TRPM3: variants seen among roughly 807,000 people sequenced by gnomAD.
TRPM3 encodes the protein transient receptor potential cation channel subfamily M member 3, also known as long transient receptor potential channel 3.
TRPM3 carries 77 observed loss-of-function variants against 181.2 expected under a neutral mutation model. That is an observed-to-expected ratio of 0.42 (90% CI 0.35 to 0.51). TRPM3 has a LOEUF of 0.51. TRPM3 is among the 20% of genes least tolerant of loss of function. The pLI is 0.01. For synonymous variants in TRPM3, 745 were observed against 796.4 expected (o/e 0.94, Z 1.09); for missense variants, 1,759 against 2,196.7 (o/e 0.80, Z 3.98).
intron 1 of TRPM3, among the ~76,000 whole-genome samples, chr9:71,317,671 A>G (rs888590690): frequency 8.6e-5 from 7 of 81,008 alleles, no homozygotes; most frequent in Non-Finnish European, 2.2e-4. Flanking sequence ...GAAAAAATAT[A>G]TATATATACA....
chr9:71,356,142 A>C (rs970853102), intron 1 of TRPM3, among the ~76,000 whole-genome samples: 3 of 152,190 alleles, frequency 2.0e-5, no homozygotes, highest in African/African-American at 7.2e-5. Flanking sequence ...CAACGAATGG[A>C]AACAGCTACT....
chr9:70,775,546 C>T (rs2130684912), intron 7 of TRPM3: 1 of 152,238 alleles, frequency 6.6e-6, no homozygotes, highest in African/African-American at 2.4e-5. Flanking sequence ...GGTCAGGGGT[C>T]TTCAATGGAG....
chr9:71,284,628 G>A (rs893305491), intron 1 of TRPM3, among the ~76,000 whole-genome samples: 1 of 152,106 alleles, frequency 6.6e-6, no homozygotes, highest in Non-Finnish European at 1.5e-5. Flanking sequence ...ATTTATATAG[G>A]TAAGCCATAA....
chr9:71,244,530 A>AC (rs1248468797), intron 1 of TRPM3, among the ~76,000 whole-genome samples: 1 of 152,194 alleles, frequency 6.6e-6, no homozygotes, highest in Non-Finnish European at 1.5e-5. Context: ...AGGTGACTTG[A>AC]GGGATAAAGG....
Position 70,533,572 on chromosome 9 carries a change from C to A in TRPM3, c.*2381G>T, listed in dbSNP as rs1007738179. ...TCATGAACCCTTTCAAGTTATATTG[C>A]AACTTTGCATTATGTACATTTTTTT... On this transcript the variant is annotated 3_prime_UTR_variant, in exon 26 of 26. Transcript: ENST00000677713. 1 of 152,038 alleles carries A rather than the reference C, an allele frequency of 6.6e-6. No individual in the cohort carries two copies. The highest frequency in any genetic ancestry group is 1.5e-5 in the Non-Finnish European group (1 of 68,014). 9.4% of individuals were successfully genotyped at this position (152,038 alleles called of 1,614,324 possible).
intron 1 of TRPM3, among the ~76,000 whole-genome samples, chr9:71,285,708 G>GCAC (rs1251005202): frequency 6.6e-6 from 1 of 152,172 alleles, no homozygotes; most frequent in Non-Finnish European, 1.5e-5. Context: ...CTGAGAAGAA[G>GCAC]CACCACCACC....
intron 3 of TRPM3, 105 bp from the exon 4 acceptor site, chr9:70,846,696 T>A (rs998553580): frequency 2.1e-5 from 18 of 861,968 alleles, no homozygotes; most frequent in Non-Finnish European, 3.0e-5. Context: ...CAAAAACGTC[T>A]CATATAAAAT....
intron 1 of TRPM3, among the ~76,000 whole-genome samples, chr9:71,119,093 G>A (rs1395516571): frequency 6.6e-6 from 1 of 152,128 alleles, no homozygotes; most frequent in Admixed American, 6.6e-5. Flanking sequence ...TACCAAAGCA[G>A]CTTTGCTTTC....
At chr9:70,629,348 C>CTT (rs1405325943) in intron 12 of TRPM3, among the ~76,000 whole-genome samples, 2 of 149,530 alleles carry the variant, frequency 1.3e-5, no homozygotes, top group African/African-American at 4.9e-5. Context: ...TTGTTTTTTT[C>CTT]TTTTGAGACG....
At chr9:70,865,528 T>A (rs1208190333) in intron 1 of TRPM3, 6 of 152,084 alleles carry the variant, frequency 3.9e-5, no homozygotes, top group African/African-American at 1.4e-4. Flanking sequence ...AAAGCACAAC[T>A]GAGCTGTTGA....
At chr9:71,056,083 T>C (rs2060623744) in intron 1 of TRPM3, among the ~76,000 whole-genome samples, 1 of 151,982 alleles carries the variant, frequency 6.6e-6, no homozygotes, top group Non-Finnish European at 1.5e-5. Context: ...CTAGAGCAAA[T>C]TTTTCCAAGG....
chr9:70,682,755 A>T (rs1396883402), intron 8 of TRPM3, among the ~76,000 whole-genome samples: 1 of 152,238 alleles, frequency 6.6e-6, no homozygotes, highest in Non-Finnish European at 1.5e-5. Context: ...GGCTATAGAA[A>T]AAAAGCCAAA....
At chr9:71,381,688 G>GTATTAAATATTCTTTCCA (rs1277406892) in intron 1 of TRPM3, among the ~76,000 whole-genome samples, 1 of 152,094 alleles carries the variant, frequency 6.6e-6, no homozygotes, top group Non-Finnish European at 1.5e-5. Context: ...AGAAAACTAA[G>GTATTAAATATTCTTTCCA]GCTCAGAGAA....
intron 1 of TRPM3, among the ~76,000 whole-genome samples, chr9:71,316,452 G>C (rs2088598954): frequency 6.6e-6 from 1 of 152,180 alleles, no homozygotes; most frequent in Non-Finnish European, 1.5e-5. Flanking sequence ...TTTGCAGTGT[G>C]ATTAAGGTTA....
intron 1 of TRPM3, among the ~76,000 whole-genome samples, chr9:71,106,505 T>C (rs1340446133): frequency 6.6e-6 from 1 of 152,124 alleles, no homozygotes; most frequent in Non-Finnish European, 1.5e-5. Context: ...CCTTCTGCCA[T>C]GATTGTAAGC....
intron 1 of TRPM3, among the ~76,000 whole-genome samples, chr9:71,241,399 A>G (rs2081663621): frequency 6.6e-6 from 1 of 151,766 alleles, no homozygotes; most frequent in Non-Finnish European, 1.5e-5. Context: ...CGCAAGGACA[A>G]AAAACCAAAC....
intron 7 of TRPM3, among the ~76,000 whole-genome samples, chr9:70,771,812 C>T (rs1205772945): frequency 6.6e-6 from 1 of 152,164 alleles, no homozygotes; most frequent in East Asian, 1.9e-4. Context: ...ATCTCCCTTA[C>T]TCTGCTTTCT....
intron 22 of TRPM3, among the ~76,000 whole-genome samples, chr9:70,576,984 G>A (rs1239202879): frequency 6.6e-6 from 1 of 152,034 alleles, no homozygotes; most frequent in African/African-American, 2.4e-5. Context: ...TCAGCTCAAC[G>A]TTATCTCTTC....
chr9:70,962,428 A>G (rs751491038), intron 1 of TRPM3, among the ~76,000 whole-genome samples: 2 of 152,054 alleles, frequency 1.3e-5, no homozygotes, highest in Non-Finnish European at 2.9e-5. Context: ...TCCTAACTCC[A>G]TTTCTTAGTG....
Sources: gnomAD v4.1 joint callset for allele counts (sites outside exome capture counted in the v4.1 genomes callset) on GRCh38, gnomAD v4.1.1 for gene constraint, MANE v1.5 for transcripts, NCBI Gene and HGNC (gene_info 2026-07-23, HGNC 2026-07-21) for gene names.